USP24: variants seen among roughly 807,000 people sequenced by gnomAD.
USP24 encodes ubiquitin specific peptidase 24, also known as ubiquitin carboxyl-terminal hydrolase 24.
Under a neutral mutation model 361.6 loss-of-function variants are expected in USP24, and 97 were observed. The observed-to-expected ratio is 0.27, with a 90% CI of 0.23 to 0.32. The LOEUF (loss-of-function observed/expected upper bound fraction) is 0.32, where lower values mean the gene tolerates loss of function less well. Ranked by LOEUF, USP24 falls within the 10% of genes least tolerant of loss-of-function variation. The pLI is 1.00. For synonymous variants in USP24, 1,098 were observed against 1,124.6 expected (o/e 0.98, Z 0.47); for missense variants, 2,353 against 3,165.6 (o/e 0.74, Z 6.16).
chr1:55,186,079 G>A (rs1644122872), intron 1 of USP24, among the ~76,000 whole-genome samples: 1 of 152,150 alleles, frequency 6.6e-6, no homozygotes, highest in Non-Finnish European at 1.5e-5. Flanking sequence ...ACAAAGGAAA[G>A]CCCAGGACCA....
intron 51 of USP24, among the ~76,000 whole-genome samples, chr1:55,094,870 C>A (rs1645461157): frequency 6.6e-6 from 1 of 152,008 alleles, no homozygotes; most frequent in African/African-American, 2.4e-5. Context: ...GGGCCTGGTG[C>A]CCCTCGCCTG....
At position 55,209,371 on chromosome 1, in the gene USP24, A is replaced by G. The variant is rs569903636; in HGVS notation, c.324+5419T>C. The stretch of plus-strand genomic sequence containing the variant: ...TCTTCTTGACTGTGACATCATTGAA[A>G]ACACAGTTATCCTCTCAGGGCCATG... On this transcript the variant is annotated intron_variant, in intron 1 of 67. Transcript: ENST00000294383. Among the ~76,000 whole-genome samples the G allele has an allele frequency of 2.0e-5, 3 of 152,306 alleles. No individual in the cohort carries two copies. In the East Asian group the frequency reaches 5.8e-4, roughly 29 times the overall value.
chr1:55,213,887 T>A (rs977309948), intron 1 of USP24, among the ~76,000 whole-genome samples: 3 of 151,958 alleles, frequency 2.0e-5, no homozygotes, highest in Admixed American at 6.6e-5. Flanking sequence ...CCACCCCCAC[T>A]GCGCTCCCAC....
rs1429256772 is a variant in USP24, at chr1:55,097,036, G to A, written c.5852C>T (p.Thr1951Ile). The change falls in exon 49 of 68, where the codon ACA becomes ATA. Residue 1951 changes from threonine to isoleucine, a missense_variant. Physicochemically the swap from Thr to Ile is moderately conservative, Grantham distance 89. Transcript: ENST00000294383. ...GACACCGACAAGTTCATAGTTTTCT[G>A]TGAGGGCAACCTTTTTTCGTGGGGA... ...GGSPRKKVAL[T>I]ENYELVGVIV... 1 of 1,613,804 alleles carries A rather than the reference G, an allele frequency of 6.2e-7. No homozygotes were observed. Among genetic ancestry groups the A allele is most frequent in the Admixed American group, 1.7e-5 (1 of 59,998 alleles).
chr1:55,213,586 T>A (rs1328243387), intron 1 of USP24, among the ~76,000 whole-genome samples: 1 of 152,146 alleles, frequency 6.6e-6, no homozygotes, highest in African/African-American at 2.4e-5. Flanking sequence ...AATAACGCAA[T>A]CCCAATAATT....
chr1:55,114,131 T>G (rs980806752), intron 38 of USP24, among the ~76,000 whole-genome samples: 4 of 152,098 alleles, frequency 2.6e-5, no homozygotes, highest in African/African-American at 9.7e-5. Context: ...ATGAGTGAAC[T>G]CCCATTCACA....
chr1:55,197,241 C>T (rs1021899350), intron 1 of USP24, among the ~76,000 whole-genome samples: 2 of 152,170 alleles, frequency 1.3e-5, no homozygotes, highest in Non-Finnish European at 2.9e-5. Context: ...TATCATACCC[C>T]CTACCCACTG....
intron 4 of USP24, among the ~76,000 whole-genome samples, 174 bp downstream of exon 4, chr1:55,172,203 C>A (rs1649523554): frequency 6.6e-6 from 1 of 152,136 alleles, no homozygotes; most frequent in South Asian, 2.1e-4. Flanking sequence ...GCACTTCTTT[C>A]AAACTGAGAA....
intron 23 of USP24, among the ~76,000 whole-genome samples, chr1:55,141,978 C>T (rs1381055191): frequency 2.0e-5 from 3 of 152,090 alleles, no homozygotes; most frequent in African/African-American, 7.2e-5. Context: ...AGAACTAGTG[C>T]CCTATATATG....
intron 60 of USP24, 122 bp from the exon 61 acceptor site, chr1:55,078,773 G>C (rs1051687583): frequency 4.4e-6 from 3 of 688,892 alleles, no homozygotes; most frequent in Non-Finnish European, 6.9e-6. Context: ...CTGAAAACAG[G>C]GTTTCTTAAC....
chr1:55,208,392 C>T (rs1644763939), intron 1 of USP24, among the ~76,000 whole-genome samples: 1 of 152,160 alleles, frequency 6.6e-6, no homozygotes, highest in African/African-American at 2.4e-5. Flanking sequence ...CTTTGGGAGG[C>T]TGAGGTTGGC....
chr1:55,081,440 A>G lies in USP24; in HGVS notation c.6976-16T>C. The G allele has an allele frequency of 6.2e-7, 1 of 1,611,724 alleles. No homozygotes were observed. Among genetic ancestry groups the G allele is most frequent in the Non-Finnish European group, 8.5e-7 (1 of 1,178,044 alleles). On this transcript the variant is annotated splice_polypyrimidine_tract_variant and intron_variant, in intron 58 of 67. Coordinates refer to ENST00000294383, the MANE Select transcript of USP24 (RefSeq NM_015306.3). ...ATCGACGTATCTGTCATCAGGGAAG[A>G]TAAAGTGGCTGTTAGTGTTGTCGTC...
chr1:55,171,715 T>C (rs1304654412), intron 4 of USP24, 37 bp from the exon 5 acceptor site: 2 of 1,574,842 alleles, frequency 1.3e-6, no homozygotes, highest in Admixed American at 1.8e-5. Flanking sequence ...TTATTATCTA[T>C]TTCTATAGCA....
chr1:55,133,840 C>T (rs905259177), intron 30 of USP24, among the ~76,000 whole-genome samples: 1 of 152,034 alleles, frequency 6.6e-6, no homozygotes, highest in African/African-American at 2.4e-5. Flanking sequence ...CCTACATTGC[C>T]CAGGCTGGTC....
intron 1 of USP24, among the ~76,000 whole-genome samples, chr1:55,188,791 T>G (rs1644203860): frequency 6.6e-6 from 1 of 151,280 alleles, no homozygotes; most frequent in Non-Finnish European, 1.5e-5. Context: ...AAACCCCGTC[T>G]CTACTAAAAA....
Position 55,188,964 on chromosome 1 carries a change from C to CAAAAAAAA in USP24, c.325-10840_325-10833dup, listed in dbSNP as rs533085761. 4.1e-3 allele frequency among the ~76,000 whole-genome samples: 305 copies of CAAAAAAAA among 74,318 alleles called. 2 individuals are homozygous for CAAAAAAAA. Among genetic ancestry groups the CAAAAAAAA allele is most frequent in the Middle Eastern group, 9.1e-3 (1 of 110 alleles). 48.8% of individuals were successfully genotyped at this position (74,318 alleles called of 152,430 possible). A position where few individuals can be genotyped will look rare whatever the true frequency, so the allele number is the denominator to read the frequency against. On this transcript the variant is annotated intron_variant, in intron 1 of 67. Coordinates refer to ENST00000294383, the MANE Select transcript of USP24 (RefSeq NM_015306.3). The stretch of plus-strand genomic sequence containing the variant: ...GGACAACAAGAGCAAAACTCCATCT[C>CAAAAAAAA]AAAAAAAAAAAAAAAAAAAAAAAAA...
At chr1:55,096,681 T>A in intron 49 of USP24, 59 bp from the exon 50 acceptor site, 2 of 1,565,008 alleles carry the variant, frequency 1.3e-6, no homozygotes, top group South Asian at 2.5e-5. Flanking sequence ...TCCTCATCCT[T>A]AGCATTGATC....
chr1:55,186,994 T>C (rs1394906019), intron 1 of USP24, among the ~76,000 whole-genome samples: 4 of 152,184 alleles, frequency 2.6e-5, no homozygotes, highest in Non-Finnish European at 5.9e-5. Context: ...TCCCTAGGAA[T>C]AGTGACACAA....
intron 28 of USP24, among the ~76,000 whole-genome samples, chr1:55,134,869 T>C (rs1048910083): frequency 2.0e-5 from 3 of 152,188 alleles, no homozygotes; most frequent in Non-Finnish European, 2.9e-5. Context: ...GAAGTTACCA[T>C]GTTTTTTTCC....
Sources: gnomAD v4.1 joint callset for allele counts (sites outside exome capture counted in the v4.1 genomes callset) on GRCh38, gnomAD v4.1.1 for gene constraint, MANE v1.5 for transcripts, NCBI Gene and HGNC (gene_info 2026-07-23, HGNC 2026-07-21) for gene names.